Variants in KLHL33 observed in about 807,000 individuals in gnomAD.
KLHL33 encodes kelch like family member 33.
KLHL33 carries 46 observed loss-of-function variants against 60.8 expected under a neutral mutation model. That is an observed-to-expected ratio of 0.76 (90% CI 0.60 to 0.97). The LOEUF is 0.97. Ranked by LOEUF, KLHL33 falls within the 50% of genes least tolerant of loss-of-function variation. The pLI is 0.00. For missense variants in KLHL33, 1,055 were observed against 1,000.0 expected, an observed-to-expected ratio of 1.05 and a Z score of -0.74; for synonymous variants, 434 against 432.2, an observed-to-expected ratio of 1.00 and a Z score of -0.05.
chr14:20,434,984 G>T, intron 2 of KLHL33, 80 bp downstream of exon 2: 1 of 1,166,174 alleles, frequency 8.6e-7, no homozygotes. Context: ...TCATGGTGGG[G>T]ATAAAACCAC....
rs1451483337 is a variant in KLHL33 at position 20,427,702 on chromosome 14, A to T, written c.*1147T>A. The T allele has an allele frequency of 6.6e-6, 1 of 152,218 alleles. No homozygotes were observed. Among genetic ancestry groups the T allele is most frequent in the Non-Finnish European group, 1.5e-5 (1 of 68,030 alleles). 9.4% of individuals were successfully genotyped at this position (152,218 alleles called of 1,614,324 possible). On this transcript the variant is annotated 3_prime_UTR_variant, in exon 5 of 5. Transcript: ENST00000636854. ...TGTTTATGTCTATCTGCTGGTCAGG[A>T]GCTCTCTGACCTCTGTATCTTGGTG...
chr14:20,427,527 A>C lies in KLHL33; in HGVS notation c.*1322T>G, dbSNP rs1880328844. On this transcript the variant is annotated 3_prime_UTR_variant, in exon 5 of 5. Transcript: ENST00000636854. ...CATTCCCCCTTCTCTAATGGGTGAG[A>C]CTCTAGGCAGCCTTTAAGATCCAGT... 6.6e-6 allele frequency: 1 copy of C among 152,056 alleles called. No individual in the cohort carries two copies. The highest frequency in any genetic ancestry group is 2.4e-5 in the African/African-American group (1 of 41,374). 9.4% of individuals were successfully genotyped at this position (152,056 alleles called of 1,614,324 possible).
At position 20,430,610 on chromosome 14, in the gene KLHL33, C is replaced by A; in HGVS notation, c.858G>T (p.Gln286His). ...CAAAAGAGACGAGGAGTCGCAGGTC[C>A]TGGGTGGAGATCGTCCGCAGAGATA... ...TEVSLRTIST[Q>H]DLRLLVSFAY... Residue 286 changes from glutamine (Q) to histidine (H), a missense_variant, in exon 3 of 5, where the codon CAG (glutamine) becomes CAT (histidine). Gln to His is a conservative substitution (Grantham distance 24). Transcript: ENST00000636854. 8 of 1,536,738 alleles carry A rather than the reference C, an allele frequency of 5.2e-6. No homozygotes were observed. The highest frequency in any genetic ancestry group is 7.0e-6 in the Non-Finnish European group (8 of 1,146,952).
In KLHL33 at chr14:20,435,356, G is replaced by T. The variant is rs1036999028; in HGVS notation, c.456C>A (p.Phe152Leu). ...AGCCCCCTGGGGACACCTCGAGGCT[G>T]AAGGGGGGCCGCGGACCTCCGCCGC... ...LLGGGGPRPP[F>L]SLEVSPGGWE... The change falls in exon 2 of 5, where the codon TTC becomes TTA. Residue 152 changes from phenylalanine to leucine, a missense_variant. Transcript: ENST00000636854. The T allele has an allele frequency of 2.1e-5, 26 of 1,234,188 alleles. No homozygotes were observed. The African/African-American group carries it at 3.7e-4, about 18-fold the overall frequency. 76.5% of individuals were successfully genotyped at this position (1,234,188 alleles called of 1,614,324 possible).
In KLHL33 at chr14:20,435,212, T is replaced by A; in HGVS notation, c.600A>T (p.Thr200=). Reference sequence around the variant, plus strand: ...CCCTGGCATTTCCAGCCCTCTCGCATGTCTGCTGGGCAGCAGCCTTCACCC... The same window carrying A: ...CCCTGGCATTTCCAGCCCTCTCGCAAGTCTGCTGGGCAGCAGCCTTCACCC... ...APRVKAAAQQ[T]CERAGNARED... Residue 200 remains threonine, a synonymous_variant, in exon 2 of 5, where the codon ACA becomes ACT. Coordinates refer to ENST00000636854, the MANE Select transcript of KLHL33 (RefSeq NM_001365790.2). 4.9e-6 allele frequency: 6 copies of A among 1,234,440 alleles called. No homozygotes were observed. The highest frequency in any genetic ancestry group is 6.1e-6 in the Non-Finnish European group (6 of 988,210). 76.5% of individuals were successfully genotyped at this position (1,234,440 alleles called of 1,614,324 possible).
At chr14:20,429,479 C>T in intron 4 of KLHL33, 23 bp downstream of exon 4, 1 of 1,551,748 alleles carries the variant, frequency 6.4e-7, no homozygotes, top group Non-Finnish European at 8.7e-7. Flanking sequence ...TAATCTCTCC[C>T]AGATGCCCCC....
chr14:20,428,606 C>A lies in KLHL33; in HGVS notation c.*243G>T. Reference sequence around the variant, plus strand: ...AGAATCCCTAAGCCTTGTGGAGTTGCTCCCGAGTCTCCTTTCCTCACCTGG... The same window carrying A: ...AGAATCCCTAAGCCTTGTGGAGTTGATCCCGAGTCTCCTTTCCTCACCTGG... On this transcript the variant is annotated 3_prime_UTR_variant, in exon 5 of 5. Coordinates refer to ENST00000636854, the MANE Select transcript of KLHL33 (RefSeq NM_001365790.2). 2.0e-6 allele frequency: 1 copy of A among 495,996 alleles called. No individual in the cohort carries two copies. 30.7% of individuals were successfully genotyped at this position (495,996 alleles called of 1,614,324 possible).
chr14:20,431,501 TA>T (rs5807034), intron 2 of KLHL33, among the ~76,000 whole-genome samples: 71,200 of 151,864 alleles, frequency 0.47, 16,837 homozygotes, highest in Middle Eastern at 0.55. Context: ...CTGAGGTGGG[TA>T]GGATCACTTG....
intron 2 of KLHL33, among the ~76,000 whole-genome samples, 184 bp from the exon 3 acceptor site, chr14:20,430,903 A>G (rs560938608): frequency 6.6e-6 from 1 of 152,346 alleles, no homozygotes; most frequent in South Asian, 2.1e-4. Context: ...TGCAGGTTTC[A>G]GCAGTCCACT....
Position 20,429,683 on chromosome 14 carries a change from G to T in KLHL33, c.1674-14C>A, listed in dbSNP as rs1880426252. The T allele has an allele frequency of 6.5e-7, 1 of 1,548,376 alleles. No homozygotes were observed. On this transcript the variant is annotated splice_polypyrimidine_tract_variant and intron_variant, in intron 3 of 4. Transcript: ENST00000636854. ...CTGGGCTCCCACCTGGACACAGTAG[G>T]ACAAGAGATTGGAAGAGGGACTCTG... is the stretch of plus-strand genomic sequence containing the variant.
rs962888532 is a variant in KLHL33 at position 20,435,791 on chromosome 14, T to C, written c.21A>G (p.Pro7=). The C allele has an allele frequency of 1.1e-5, 13 of 1,234,604 alleles. No individual in the cohort carries two copies. The African/African-American group carries it at 2.0e-4, about 19-fold the overall frequency. The allele number at this position is 1,234,604 out of a possible 1,614,324, so 76.5% of individuals were successfully genotyped here. A position where few individuals can be genotyped will look rare whatever the true frequency, so the allele number is the denominator to read the frequency against. MSVSDT[P]HYPPELESVS... is the part of the protein sequence containing the mutation. ...CACTCTCCAGCTCAGGGGGATAATGTGGGGTGTCCGAGACGCTCATGCCGA... is the reference window on the plus strand; with the variant it reads ...CACTCTCCAGCTCAGGGGGATAATGCGGGGTGTCCGAGACGCTCATGCCGA... Residue 7 remains proline, a synonymous_variant, in exon 2 of 5, where the codon CCA becomes CCG. Transcript: ENST00000636854.
rs559081704 is a variant in KLHL33, at chr14:20,429,217, C to T, written c.2026G>A (p.Val676Ile). 672 of 1,551,756 alleles carry T rather than the reference C, an allele frequency of 4.3e-4. No homozygotes were observed. The highest frequency in any genetic ancestry group is 1.4e-3 in the Admixed American group (71 of 51,000). Residue 676 changes from valine to isoleucine, a missense_variant, in exon 5 of 5, where the codon GTC becomes ATC. Coordinates refer to ENST00000636854, the MANE Select transcript of KLHL33 (RefSeq NM_001365790.2). ...AACCTCCCACCCAATGCAGCCATGA[C>T]ATGGCCAGCCCGAGGTACCCCCATA... is the stretch of plus-strand genomic sequence containing the variant. Reference protein sequence around the residue: ...SPMGVPRAGHVMAALGGRLYV... With the variant: ...SPMGVPRAGHIMAALGGRLYV...
chr14:20,430,831 C>T (rs965921969), intron 2 of KLHL33, 112 bp from the exon 3 acceptor site: 3 of 585,814 alleles, frequency 5.1e-6, no homozygotes, highest in Non-Finnish European at 8.5e-6. Flanking sequence ...GCCCTCCAAG[C>T]CACCCACTGC....
intron 1 of KLHL33, 115 bp downstream of exon 1, chr14:20,435,984 G>C (rs1031053639): frequency 2.2e-6 from 1 of 459,254 alleles, no homozygotes; most frequent in African/African-American, 2.0e-5. Flanking sequence ...GAGTATCTGG[G>C]ATATACAGGA....
At chr14:20,433,280 T>C (rs1444215876) in intron 2 of KLHL33, among the ~76,000 whole-genome samples, 1 of 152,178 alleles carries the variant, frequency 6.6e-6, no homozygotes, top group Non-Finnish European at 1.5e-5. Flanking sequence ...TGCTTCATAA[T>C]AAAAAGGTGG....
chr14:20,432,966 G>GAAAGAAAGAAA (rs1880565790), intron 2 of KLHL33, among the ~76,000 whole-genome samples: 1 of 151,258 alleles, frequency 6.6e-6, no homozygotes, highest in Non-Finnish European at 1.5e-5. Flanking sequence ...AAGAAAGAAA[G>GAAAGAAAGAAA]AAAGAAAGAA....
chr14:20,429,760 C>A (rs1285348983), intron 3 of KLHL33, 35 bp downstream of exon 3: 3 of 1,520,442 alleles, frequency 2.0e-6, no homozygotes, highest in East Asian at 2.5e-5. Context: ...CACCTTAGGG[C>A]CTGCCACACC....
rs1440114881 is a variant in KLHL33 at position 20,429,812 on chromosome 14, G to A, written c.1656C>T (p.Thr552=). 6.5e-7 allele frequency: 1 copy of A among 1,538,658 alleles called. No homozygotes were observed. Among genetic ancestry groups the A allele is most frequent in the South Asian group, 1.2e-5 (1 of 82,520 alleles). ...GGQDFYSHSN[T]LASTLRWEPS... ...GCTTATACCTGAGAGTTGAAGCCAG[G>A]GTGTTGGAGTGACTGTAGAAATCTT... The change falls in exon 3 of 5, where the codon ACC becomes ACT. Residue 552 remains threonine, a synonymous_variant. Coordinates refer to ENST00000636854, the MANE Select transcript of KLHL33 (RefSeq NM_001365790.2).
rs377615460 is a variant in KLHL33, at chr14:20,430,391, A to G, written c.1077T>C (p.Arg359=). Reference sequence around the variant, plus strand: ...CAGGCAGGTGGGTGAGGAGGTAGTGACGGGCTTTGCTCCAGAGCCTCTCCA... The same window carrying G: ...CAGGCAGGTGGGTGAGGAGGTAGTGGCGGGCTTTGCTCCAGAGCCTCTCCA... ...PGLERLWSKA[R]HYLLTHLPAV... Residue 359 remains arginine (R), a synonymous_variant, in exon 3 of 5, where the codon CGT becomes CGC. Coordinates refer to ENST00000636854, the MANE Select transcript of KLHL33 (RefSeq NM_001365790.2). 1 of 1,551,768 alleles carries G rather than the reference A, an allele frequency of 6.4e-7. No homozygotes were observed.
Sources: allele counts gnomAD v4.1 joint callset (sites outside exome capture counted in the v4.1 genomes callset), GRCh38; gene constraint gnomAD v4.1.1; transcripts MANE v1.5; gene names NCBI Gene and HGNC (gene_info 2026-07-23, HGNC 2026-07-21).